The following CDH23 variants were observed in gnomAD, a reference collection of about 807,000 sequenced individuals.
CDH23 encodes cadherin related 23, also known as cadherin-23.
CDH23 carries 189 observed loss-of-function variants against 317.1 expected under a neutral mutation model. The ratio of observed to expected loss-of-function variants is 0.60; its 90% CI spans 0.53 to 0.67. The LOEUF (loss-of-function observed/expected upper bound fraction) is 0.67. Among genes scored for constraint, CDH23 ranks in the 30% least tolerant of loss-of-function variants. CDH23 has a pLI of 0.00. For synonymous variants in CDH23, 1,839 were observed against 1,876.8 expected (o/e 0.98, Z 0.52); for missense variants, 4,401 against 4,592.4 (o/e 0.96, Z 1.20).
chr10:71,540,450 G>T (rs1855924331), intron 6 of CDH23, among the ~76,000 whole-genome samples: 1 of 152,178 alleles, frequency 6.6e-6, no homozygotes, highest in Non-Finnish European at 1.5e-5. Flanking sequence ...ACAACTACTG[G>T]CCCTTGGAGA....
intron 3 of CDH23, among the ~76,000 whole-genome samples, chr10:71,501,806 G>T (rs1403022653): frequency 6.6e-6 from 1 of 152,214 alleles, no homozygotes; most frequent in Non-Finnish European, 1.5e-5. Context: ...GAGGGCAGGA[G>T]CCCCTGGCCC....
chr10:71,634,533 A>G (rs575432067), intron 11 of CDH23, among the ~76,000 whole-genome samples: 1 of 152,312 alleles, frequency 6.6e-6, no homozygotes, highest in South Asian at 2.1e-4. Context: ...TGGGGCTGGG[A>G]GGCTTGCCTG....
intron 9 of CDH23, among the ~76,000 whole-genome samples, chr10:71,600,975 C>T (rs926959870): frequency 2.0e-5 from 3 of 152,332 alleles, no homozygotes; most frequent in Admixed American, 6.5e-5. Flanking sequence ...CATACTCACT[C>T]GAACCCAAGA....
At chr10:71,773,355 T>C in intron 38 of CDH23, 4 of 1,605,588 alleles carry the variant, frequency 2.5e-6, no homozygotes, top group East Asian at 4.5e-5. Context: ...CCCCCGACCT[T>C]ACCTAGGGAC....
intron 36 of CDH23, 68 bp downstream of exon 36, chr10:71,739,840 T>C: frequency 6.7e-7 from 1 of 1,494,562 alleles, no homozygotes; most frequent in Non-Finnish European, 9.0e-7. Flanking sequence ...CTACTCTCCA[T>C]CCAGGAGAGA....
intron 3 of CDH23, among the ~76,000 whole-genome samples, chr10:71,466,904 A>T (rs999519744): frequency 2.0e-5 from 3 of 152,128 alleles, no homozygotes; most frequent in African/African-American, 7.2e-5. Flanking sequence ...GCACGTGCAT[A>T]TATCTGTGGG....
At chr10:71,707,340 T>C in intron 26 of CDH23, 3 of 1,412,484 alleles carry the variant, frequency 2.1e-6, no homozygotes, top group African/African-American at 1.4e-5. Flanking sequence ...TAAGGCCCCA[T>C]GATTCCTAGG....
chr10:71,812,909 C>A lies in CDH23; in HGVS notation c.9633+19C>A. On this transcript the variant is annotated intron_variant, in intron 68 of 69. Transcript: ENST00000224721. The stretch of plus-strand genomic sequence containing the variant: ...AATCAAGGTGAGCCTTCCCTGCAGG[C>A]TCCGCGCCCAGTCCCTTGGCTGAGG... 6.2e-7 allele frequency: 1 copy of A among 1,611,942 alleles called. No homozygotes were observed. Among genetic ancestry groups the A allele is most frequent in the Non-Finnish European group, 8.5e-7 (1 of 1,179,042 alleles).
chr10:71,694,926 G>A (rs1036112036), intron 21 of CDH23, among the ~76,000 whole-genome samples: 13 of 152,204 alleles, frequency 8.5e-5, no homozygotes, highest in Admixed American at 3.9e-4. Context: ...GGCTGGAGAC[G>A]GTATCGCGTG....
intron 9 of CDH23, among the ~76,000 whole-genome samples, chr10:71,586,514 T>C (rs1396884490): frequency 1.3e-5 from 2 of 152,180 alleles, no homozygotes; most frequent in Non-Finnish European, 2.9e-5. Context: ...AATAATATTG[T>C]GGATGCCTGT....
chr10:71,814,985 G>A lies in CDH23; in HGVS notation c.9772G>A (p.Asp3258Asn), dbSNP rs2133016736. The A allele has an allele frequency of 1.2e-6, 2 of 1,612,510 alleles. No individual in the cohort carries two copies. Among genetic ancestry groups the A allele is most frequent in the Non-Finnish European group, 1.7e-6 (2 of 1,179,636 alleles). Residue 3258 changes from aspartate (D) to asparagine (N), a missense_variant, in exon 70 of 70, where the codon GAC becomes AAC. This residue lies in a region of CDH23 where 1,144 missense variants were observed against 1,138.2 expected (regional missense o/e 1.01). Transcript: ENST00000224721. The stretch of plus-strand genomic sequence containing the variant: ...GACTGAGCTGGACGAGGAGCCAGGA[G>A]ACCACAGCCCAGGGCAGGGTAGCCT... The part of the protein sequence containing the change: ...IQTELDEEPG[D>N]HSPGQGSLRF...
At chr10:71,677,384 A>C (rs539530524) in intron 15 of CDH23, 72 bp from the exon 16 acceptor site, 1 of 1,243,878 alleles carries the variant, frequency 8.0e-7, no homozygotes, top group South Asian at 1.4e-5. Flanking sequence ...CAGGCTGGGA[A>C]ATGCCGGCCC....
intron 9 of CDH23, among the ~76,000 whole-genome samples, chr10:71,611,281 G>C (rs4747171): frequency 0.058 from 8,859 of 152,224 alleles, 338 homozygotes; most frequent in African/African-American, 0.099. Flanking sequence ...CCTGAATGAG[G>C]GGGGAGCAGA....
chr10:71,601,315 G>A (rs1349711908), intron 9 of CDH23, among the ~76,000 whole-genome samples: 1 of 152,198 alleles, frequency 6.6e-6, no homozygotes, highest in Non-Finnish European at 1.5e-5. Flanking sequence ...TAATCAATGA[G>A]GTCTAACATT....
intron 9 of CDH23, among the ~76,000 whole-genome samples, chr10:71,613,780 G>A (rs547014047): frequency 2.0e-5 from 3 of 152,298 alleles, no homozygotes; most frequent in East Asian, 1.9e-4. Flanking sequence ...CCACTTCCAC[G>A]GTGATTCTGG....
intron 6 of CDH23, among the ~76,000 whole-genome samples, chr10:71,559,213 A>G (rs1181869795): frequency 6.6e-6 from 1 of 152,124 alleles, no homozygotes; most frequent in Non-Finnish European, 1.5e-5. Context: ...TTTTGTTGAC[A>G]TCTCTCATCT....
At chr10:71,558,341 G>A (rs1856971958) in intron 6 of CDH23, among the ~76,000 whole-genome samples, 1 of 151,990 alleles carries the variant, frequency 6.6e-6, no homozygotes, top group Non-Finnish European at 1.5e-5. Context: ...TTGGAATGTT[G>A]GATATTCTGA....
At chr10:71,626,654 A>G (rs939952557) in intron 11 of CDH23, among the ~76,000 whole-genome samples, 1 of 152,182 alleles carries the variant, frequency 6.6e-6, no homozygotes, top group Non-Finnish European at 1.5e-5. Context: ...AACTTGAATT[A>G]AGAACCAAAC....
At chr10:71,709,239 A>C (rs1865890909) in intron 27 of CDH23, 28 bp downstream of exon 27, 1 of 1,590,272 alleles carries the variant, frequency 6.3e-7, no homozygotes, top group Non-Finnish European at 8.6e-7. Context: ...ACCCACCAAC[A>C]CAGTGATCTG....
Sources: gnomAD v4.1 joint callset for allele counts (sites outside exome capture counted in the v4.1 genomes callset) on GRCh38, gnomAD v4.1.1 for gene constraint, gnomAD v4.1.1 regional missense constraint, MANE v1.5 for transcripts, NCBI Gene and HGNC (gene_info 2026-07-23, HGNC 2026-07-21) for gene names.